The following SDK1 variants were observed in gnomAD, a reference collection of about 807,000 sequenced individuals.
SDK1 encodes the protein protein sidekick-1.
SDK1 carries 157 observed loss-of-function variants against 245.5 expected under a neutral mutation model. That is an observed-to-expected ratio of 0.64 (90% CI 0.56 to 0.73). The LOEUF (loss-of-function observed/expected upper bound fraction) is 0.73. Ranked by LOEUF, SDK1 falls within the 30% of genes least tolerant of loss-of-function variation. The pLI is 0.00. For synonymous variants in SDK1, 1,647 were observed against 1,278.5 expected, an observed-to-expected ratio of 1.29 and a Z score of -6.15; for missense variants, 3,583 against 3,002.3, an observed-to-expected ratio of 1.19 and a Z score of -4.52.
chr7:4,140,341 A>T (rs1779496622), intron 28 of SDK1, among the ~76,000 whole-genome samples: 2 of 151,986 alleles, frequency 1.3e-5, no homozygotes, highest in African/African-American at 4.8e-5. Flanking sequence ...CACTTTCTGG[A>T]ACAATTCAGC....
At chr7:3,916,842 C>T (rs1779398863) in intron 5 of SDK1, among the ~76,000 whole-genome samples, 1 of 152,140 alleles carries the variant, frequency 6.6e-6, no homozygotes, top group Admixed American at 6.5e-5. Flanking sequence ...GATAGACAGA[C>T]AGATTGTCAG....
chr7:3,491,266 T>C (rs558066135), intron 1 of SDK1, among the ~76,000 whole-genome samples: 13 of 152,336 alleles, frequency 8.5e-5, no homozygotes, highest in Non-Finnish European at 1.5e-4. Flanking sequence ...CTGCGTTGTA[T>C]TGTAATCACC....
Position 4,211,597 on chromosome 7 carries a change from A to G in SDK1, c.5539+1435A>G, listed in dbSNP as rs1208071373. ...GGGTCAGTGCACACCCTGCTCAGGT[A>G]TTTGTTCTTGTTTTTGTTTCTGTTT... is the stretch of plus-strand genomic sequence containing the variant. On this transcript the variant is annotated intron_variant, in intron 38 of 44. Transcript: ENST00000404826. 2.0e-5 allele frequency among the ~76,000 whole-genome samples: 3 copies of G among 151,770 alleles called. No homozygotes were observed. In the East Asian group the frequency reaches 5.8e-4, roughly 29 times the overall value.
chr7:3,495,770 C>T (rs894827393), intron 1 of SDK1, among the ~76,000 whole-genome samples: 3 of 152,214 alleles, frequency 2.0e-5, no homozygotes, highest in Non-Finnish European at 2.9e-5. Context: ...CCTTTGTCCT[C>T]GTGGACCCAG....
chr7:3,333,567 C>T (rs1780123376), intron 1 of SDK1, among the ~76,000 whole-genome samples: 1 of 152,140 alleles, frequency 6.6e-6, no homozygotes, highest in African/African-American at 2.4e-5. Flanking sequence ...TCATCTCTAA[C>T]TCCTACATCA....
intron 35 of SDK1, among the ~76,000 whole-genome samples, chr7:4,195,729 C>G (rs868130535): frequency 2.0e-5 from 3 of 152,296 alleles, no homozygotes; most frequent in Middle Eastern, 3.4e-3. Context: ...ATCTCCTTGC[C>G]TGCAGGGCTG....
intron 17 of SDK1, among the ~76,000 whole-genome samples, chr7:4,029,173 C>T (rs186328652): frequency 9.4e-4 from 140 of 148,560 alleles, no homozygotes; most frequent in Non-Finnish European, 1.7e-3. Flanking sequence ...ACCTAAATAC[C>T]ATATTCATCC....
chr7:3,960,601 T>C (rs1226254943), intron 8 of SDK1, among the ~76,000 whole-genome samples: 1 of 152,188 alleles, frequency 6.6e-6, no homozygotes, highest in Non-Finnish European at 1.5e-5. Context: ...CGACCCACCG[T>C]GCTTTGTAAC....
intron 35 of SDK1, among the ~76,000 whole-genome samples, chr7:4,200,969 C>A (rs747683926): frequency 1.3e-5 from 2 of 152,202 alleles, no homozygotes; most frequent in African/African-American, 4.8e-5. Flanking sequence ...TGAGTAGTTA[C>A]AATAAAGTCC....
At chr7:4,084,437 G>C (rs1781292118) in intron 22 of SDK1, among the ~76,000 whole-genome samples, 1 of 152,164 alleles carries the variant, frequency 6.6e-6, no homozygotes, top group Non-Finnish European at 1.5e-5. Context: ...TCCACTCTTT[G>C]ATGACTTCCT....
intron 4 of SDK1, among the ~76,000 whole-genome samples, chr7:3,741,884 G>A (rs1177737680): frequency 1.3e-5 from 2 of 151,696 alleles, no homozygotes; most frequent in Non-Finnish European, 2.9e-5. Flanking sequence ...GCTCATATAT[G>A]TGCACTTAGA....
At chr7:4,176,882 C>T (rs1483781894) in intron 34 of SDK1, among the ~76,000 whole-genome samples, 3 of 152,224 alleles carry the variant, frequency 2.0e-5, no homozygotes, top group African/African-American at 7.2e-5. Flanking sequence ...CTCAGCCTCC[C>T]TTCACCCTTT....
intron 4 of SDK1, among the ~76,000 whole-genome samples, chr7:3,647,527 A>G (rs1024148583): frequency 2.6e-5 from 4 of 152,100 alleles, no homozygotes; most frequent in Non-Finnish European, 2.9e-5. Flanking sequence ...CCAGGGCTCA[A>G]ATGATTTTCG....
chr7:4,063,840 T>G (rs1238316820), intron 19 of SDK1, among the ~76,000 whole-genome samples: 1 of 152,116 alleles, frequency 6.6e-6, no homozygotes, highest in Non-Finnish European at 1.5e-5. Flanking sequence ...CCAACTGATT[T>G]TCGATAAAGG....
chr7:4,046,925 T>C (rs187933854), intron 17 of SDK1, among the ~76,000 whole-genome samples: 45 of 152,284 alleles, frequency 3.0e-4, no homozygotes, highest in African/African-American at 1.0e-3. Flanking sequence ...ATTGATTGGT[T>C]TGGGGAGAAT....
chr7:3,649,592 A>AATG (rs1318609980), intron 4 of SDK1, among the ~76,000 whole-genome samples: 1 of 152,124 alleles, frequency 6.6e-6, no homozygotes, highest in African/African-American at 2.4e-5. Flanking sequence ...TAATAATAAT[A>AATG]ATTAATGATT....
chr7:3,539,851 C>T (rs1011282838), intron 1 of SDK1, among the ~76,000 whole-genome samples: 3 of 152,094 alleles, frequency 2.0e-5, no homozygotes, highest in South Asian at 4.1e-4. Flanking sequence ...AAATGACAGC[C>T]GAAATTTGGC....
intron 1 of SDK1, among the ~76,000 whole-genome samples, chr7:3,329,323 GA>G (rs1780010520): frequency 6.6e-6 from 1 of 152,080 alleles, no homozygotes; most frequent in African/African-American, 2.4e-5. Context: ...TCCTTGGGAG[GA>G]AACAAGCTCC....
intron 28 of SDK1, among the ~76,000 whole-genome samples, chr7:4,142,485 C>G (rs58173810): frequency 0.069 from 10,452 of 152,112 alleles, 583 homozygotes; most frequent in African/African-American, 0.15. Flanking sequence ...CCCGCCATCA[C>G]GCCCGGCTAA....
Sources: allele counts gnomAD v4.1 joint callset (sites outside exome capture counted in the v4.1 genomes callset), GRCh38; gene constraint gnomAD v4.1.1; transcripts MANE v1.5; gene names NCBI Gene and HGNC (gene_info 2026-07-23, HGNC 2026-07-21).